TRPM1: variants seen among roughly 807,000 people sequenced by gnomAD.
The protein encoded by TRPM1 is TRPM1-203 APA Isoform, Intron 10.
In TRPM1, 113 loss-of-function variants were observed where a neutral mutation model predicts 149.4. The ratio of observed to expected loss-of-function variants is 0.76; its 90% CI spans 0.65 to 0.88. The LOEUF (loss-of-function observed/expected upper bound fraction) is 0.88, where lower values mean the gene tolerates loss of function less well. Ranked by LOEUF, TRPM1 falls within the 40% of genes least tolerant of loss-of-function variation. TRPM1 has a pLI of 0.00. For missense variants in TRPM1, 1,976 were observed against 2,038.7 expected, an observed-to-expected ratio of 0.97 and a Z score of 0.59; for synonymous variants, 741 against 759.5, an observed-to-expected ratio of 0.98 and a Z score of 0.40.
intron 1 of TRPM1, among the ~76,000 whole-genome samples, chr15:31,088,666 AT>A (rs2035086995): frequency 6.6e-6 from 1 of 152,166 alleles, no homozygotes; most frequent in African/African-American, 2.4e-5. Flanking sequence ...ACGGACTAGG[AT>A]GGGCATTTCA....
chr15:31,113,192 C>T (rs2035721971), intron 1 of TRPM1, among the ~76,000 whole-genome samples: 2 of 152,194 alleles, frequency 1.3e-5, no homozygotes, highest in African/African-American at 4.8e-5. Flanking sequence ...CCTTCTCCAG[C>T]TGGTGAATGG....
chr15:31,088,343 T>C (rs1023698244), intron 1 of TRPM1, among the ~76,000 whole-genome samples: 4 of 152,232 alleles, frequency 2.6e-5, no homozygotes, highest in African/African-American at 9.6e-5. Context: ...TTATTGGTTG[T>C]GGAAGCTTTC....
At chr15:31,071,980 C>CATATATATATAT (rs71471861) in intron 3 of TRPM1, among the ~76,000 whole-genome samples, 2 of 77,270 alleles carry the variant, frequency 2.6e-5, no homozygotes, top group African/African-American at 1.3e-4. Context: ...AAAAAAAAAA[C>CATATATATATAT]ATATATATAT....
At chr15:31,103,245 C>T (rs1014141425), upstream of TRPM1, among the ~76,000 whole-genome samples, 2 of 152,166 alleles carry the variant, frequency 1.3e-5, no homozygotes, top group East Asian at 1.9e-4. Context: ...CCCATCCTTC[C>T]CCAAGAGAAC....
intron 1 of TRPM1, among the ~76,000 whole-genome samples, chr15:31,142,539 A>C (rs8042511): frequency 0.028 from 4,299 of 152,224 alleles, 91 homozygotes; most frequent in Non-Finnish European, 0.044. Context: ...ATCTCTATTA[A>C]AGAGTTGAGG....
At chr15:31,045,028 T>C (rs1236204649) in intron 16 of TRPM1, among the ~76,000 whole-genome samples, 2 of 152,128 alleles carry the variant, frequency 1.3e-5, no homozygotes, top group Non-Finnish European at 2.9e-5. Context: ...TTCTAAGAAA[T>C]AGGACTGGAC....
chr15:31,155,753 C>T (rs1323966913), intron 1 of TRPM1, among the ~76,000 whole-genome samples: 4 of 152,120 alleles, frequency 2.6e-5, no homozygotes, highest in African/African-American at 7.2e-5. Flanking sequence ...TAAACTCTGA[C>T]CTTTTTTCTC....
intron 1 of TRPM1, among the ~76,000 whole-genome samples, chr15:31,142,190 T>G (rs2036170986): frequency 6.6e-6 from 1 of 152,234 alleles, no homozygotes; most frequent in Non-Finnish European, 1.5e-5. Flanking sequence ...AAATTCTATT[T>G]TTAAGGGTGT....
intron 1 of TRPM1, among the ~76,000 whole-genome samples, chr15:31,119,542 C>A (rs183557109): frequency 6.6e-6 from 1 of 152,188 alleles, no homozygotes; most frequent in East Asian, 1.9e-4. Flanking sequence ...AGATATGGGT[C>A]AGAAACTCAA....
chr15:31,110,252 A>G (rs1295743300), intron 1 of TRPM1, among the ~76,000 whole-genome samples: 1 of 152,252 alleles, frequency 6.6e-6, no homozygotes, highest in Non-Finnish European at 1.5e-5. Context: ...AATTAAATTT[A>G]TATTTCATTG....
intron 4 of TRPM1, 125 bp downstream of exon 4, chr15:31,069,906 G>A (rs2034484852): frequency 6.2e-7 from 1 of 1,605,202 alleles, no homozygotes. Context: ...GTTTTTCAAT[G>A]AAATATCTAG....
chr15:31,112,330 T>C (rs2035701077), intron 1 of TRPM1, among the ~76,000 whole-genome samples: 2 of 152,092 alleles, frequency 1.3e-5, no homozygotes, highest in South Asian at 4.1e-4. Context: ...AATACAAAAT[T>C]AGCCGTGCAT....
In TRPM1 at chr15:31,042,107, A is replaced by G; in HGVS notation, c.1931T>C (p.Met644Thr). ...FHELMVWAVL[M>T]KRQKMAVFLW... ...GAACACTGCCATTTTCTGGCGTTTCATCAGCACTGCCCACACCATCAGCTC... is the reference window on the plus strand; with the variant it reads ...GAACACTGCCATTTTCTGGCGTTTCGTCAGCACTGCCCACACCATCAGCTC... Residue 644 changes from methionine to threonine, a missense_variant, in exon 17 of 28, where the codon ATG becomes ACG. This residue lies in a region of TRPM1 where 1,332 missense variants were observed against 1,347.1 expected (regional missense o/e 0.99). Transcript: ENST00000256552. 6.2e-7 allele frequency: 1 copy of G among 1,614,188 alleles called. No individual in the cohort carries two copies. The highest frequency in any genetic ancestry group is 2.2e-5 in the East Asian group (1 of 44,876).
At chr15:31,091,204 C>T (rs1032201671) in intron 1 of TRPM1, among the ~76,000 whole-genome samples, 2 of 152,214 alleles carry the variant, frequency 1.3e-5, no homozygotes, top group African/African-American at 2.4e-5. Context: ...GAGTGAAACC[C>T]GGGCCTCGCC....
intron 3 of TRPM1, 106 bp from the exon 4 acceptor site, chr15:31,070,332 C>T: frequency 1.9e-6 from 2 of 1,065,950 alleles, no homozygotes; most frequent in Non-Finnish European, 2.9e-6. Flanking sequence ...CAAACAGGAG[C>T]CTACTAACAC....
intron 26 of TRPM1, among the ~76,000 whole-genome samples, 188 bp downstream of exon 26, chr15:31,026,727 A>C (rs1244694656): frequency 1.3e-5 from 2 of 152,246 alleles, no homozygotes; most frequent in Non-Finnish European, 2.9e-5. Context: ...AATATTAATT[A>C]CTAACAAATT....
chr15:31,094,153 T>A (rs549217815), intron 1 of TRPM1, among the ~76,000 whole-genome samples: 1 of 152,226 alleles, frequency 6.6e-6, no homozygotes, highest in South Asian at 2.1e-4. Flanking sequence ...AAATTGGATA[T>A]CCACATGCAA....
At chr15:31,112,133 G>T (rs575746683) in intron 1 of TRPM1, among the ~76,000 whole-genome samples, 4 of 152,344 alleles carry the variant, frequency 2.6e-5, no homozygotes, top group African/African-American at 9.6e-5. Flanking sequence ...TGTGGCAATA[G>T]AAGAAGGGAT....
chr15:31,151,250 T>C (rs1432081660), intron 1 of TRPM1, among the ~76,000 whole-genome samples: 3 of 152,136 alleles, frequency 2.0e-5, no homozygotes, highest in African/African-American at 7.2e-5. Flanking sequence ...CTGGTGAGGG[T>C]TGAAGCAGGG....
Sources: gnomAD v4.1 joint callset for allele counts (sites outside exome capture counted in the v4.1 genomes callset) on GRCh38, gnomAD v4.1.1 for gene constraint, gnomAD v4.1.1 regional missense constraint, MANE v1.5 for transcripts, NCBI Gene and HGNC (gene_info 2026-07-23, HGNC 2026-07-21) for gene names.